The following LRFN5 variants were observed in gnomAD, a reference collection of about 807,000 sequenced individuals.
LRFN5 encodes the protein leucine-rich repeat and fibronectin type-III domain-containing protein 5.
LRFN5 carries 24 observed loss-of-function variants against 45.6 expected under a neutral mutation model. That is an observed-to-expected ratio of 0.53 (90% CI 0.38 to 0.74). LRFN5 has a LOEUF of 0.74. Ranked by LOEUF, LRFN5 falls within the 30% of genes least tolerant of loss-of-function variation. LRFN5 has a pLI of 0.00. For synonymous variants in LRFN5, 340 were observed against 313.8 expected, an observed-to-expected ratio of 1.08 and a Z score of -0.88; for missense variants, 776 against 861.5, an observed-to-expected ratio of 0.90 and a Z score of 1.24.
intron 2 of LRFN5, among the ~76,000 whole-genome samples, chr14:41,779,511 C>T (rs1392792680): frequency 1.3e-5 from 2 of 151,894 alleles, no homozygotes; most frequent in East Asian, 3.9e-4. Flanking sequence ...GAAGCATACA[C>T]TTGGCTTCTG....
intron 1 of LRFN5, among the ~76,000 whole-genome samples, chr14:41,727,439 TATAA>T (rs150974682): frequency 6.6e-5 from 10 of 150,566 alleles, no homozygotes; most frequent in Admixed American, 2.0e-4. Flanking sequence ...ATCCGATCTC[TATAA>T]ATAAATAAAT....
intron 2 of LRFN5, among the ~76,000 whole-genome samples, chr14:41,794,814 A>G (rs140136497): frequency 2.6e-5 from 4 of 152,216 alleles, no homozygotes; most frequent in South Asian, 2.1e-4. Context: ...AAAAAAATGC[A>G]TAATCTGCTT....
chr14:41,765,176 C>T (rs980030460), intron 1 of LRFN5, among the ~76,000 whole-genome samples: 4 of 151,858 alleles, frequency 2.6e-5, no homozygotes, highest in Admixed American at 2.0e-4. Flanking sequence ...CCCGTCTCTA[C>T]TAAAAGTACA....
chr14:41,670,076 TATATACAC>T (rs1881099479), intron 1 of LRFN5, among the ~76,000 whole-genome samples: 2 of 146,122 alleles, frequency 1.4e-5, no homozygotes, highest in Admixed American at 1.4e-4. Context: ...TATGCACCTA[TATATACAC>T]ATATATACAC....
chr14:41,717,201 G>C (rs963942609), intron 1 of LRFN5, among the ~76,000 whole-genome samples: 3 of 152,148 alleles, frequency 2.0e-5, no homozygotes, highest in Non-Finnish European at 2.9e-5. Context: ...TATGGACGTC[G>C]TGGTTGCCCT....
chr14:41,874,991 AC>A (rs900122548), intron 2 of LRFN5, among the ~76,000 whole-genome samples: 2 of 151,902 alleles, frequency 1.3e-5, no homozygotes, highest in African/African-American at 2.4e-5. Context: ...TGATTCAGTT[AC>A]CCCCCCACCA....
chr14:41,694,617 T>C (rs1047870281), intron 1 of LRFN5, among the ~76,000 whole-genome samples: 4 of 152,002 alleles, frequency 2.6e-5, no homozygotes, highest in African/African-American at 7.2e-5. Context: ...ATATTCTTTT[T>C]TATAAATTGA....
intron 2 of LRFN5, among the ~76,000 whole-genome samples, chr14:41,865,506 A>T (rs931294553): frequency 6.6e-6 from 1 of 152,208 alleles, no homozygotes; most frequent in Non-Finnish European, 1.5e-5. Flanking sequence ...CATTTTTGCC[A>T]TAATGAGTAA....
At chr14:41,790,204 AT>A (rs1886869465) in intron 2 of LRFN5, among the ~76,000 whole-genome samples, 1 of 151,952 alleles carries the variant, frequency 6.6e-6, no homozygotes, top group African/African-American at 2.4e-5. Context: ...TTAAAGCTAA[AT>A]TTTAAAATGT....
intron 2 of LRFN5, among the ~76,000 whole-genome samples, chr14:41,799,939 G>GAAGGGA (rs920549896): frequency 6.6e-6 from 1 of 151,878 alleles, no homozygotes; most frequent in African/African-American, 2.4e-5. Context: ...AAAGGAAAGG[G>GAAGGGA]AAGGGAAAGG....
chr14:41,812,446 ATTTC>A (rs1887768014), intron 2 of LRFN5, among the ~76,000 whole-genome samples: 1 of 151,798 alleles, frequency 6.6e-6, no homozygotes, highest in Non-Finnish European at 1.5e-5. Context: ...TTCATTTTTA[ATTTC>A]TTAGTACCTT....
chr14:41,795,619 C>A (rs1887094828), intron 2 of LRFN5, among the ~76,000 whole-genome samples: 1 of 151,984 alleles, frequency 6.6e-6, no homozygotes, highest in African/African-American at 2.4e-5. Context: ...AGTTCATGTC[C>A]TTTGTAGGGA....
chr14:41,850,419 A>G (rs1889224673), intron 2 of LRFN5, among the ~76,000 whole-genome samples: 1 of 151,858 alleles, frequency 6.6e-6, no homozygotes, highest in Admixed American at 6.6e-5. Flanking sequence ...TAAGAAACAT[A>G]GTCACTTTCC....
intron 2 of LRFN5, among the ~76,000 whole-genome samples, chr14:41,768,216 T>G (rs2138885144): frequency 6.6e-6 from 1 of 152,282 alleles, no homozygotes; most frequent in African/African-American, 2.4e-5. Context: ...AATTTATATC[T>G]GAATCATGAT....
intron 1 of LRFN5, among the ~76,000 whole-genome samples, chr14:41,690,254 GAAAT>G (rs2138703496): frequency 6.6e-6 from 1 of 152,058 alleles, no homozygotes; most frequent in African/African-American, 2.4e-5. Context: ...AGTAAATAAA[GAAAT>G]AAACATTTTG....
intron 5 of LRFN5, among the ~76,000 whole-genome samples, chr14:41,900,534 A>T (rs778802054): frequency 1.4e-4 from 21 of 152,096 alleles, no homozygotes; most frequent in Non-Finnish European, 1.9e-4. Context: ...AAAATAAATG[A>T]CTGTCATATA....
chr14:41,650,907 G>C (rs1443358809), intron 1 of LRFN5, among the ~76,000 whole-genome samples: 1 of 135,944 alleles, frequency 7.4e-6, no homozygotes, highest in Non-Finnish European at 1.6e-5. Flanking sequence ...GAGGGAGGGA[G>C]GGAGGGAGGG....
At chr14:41,628,602 T>TATAA (rs56242603) in intron 1 of LRFN5, among the ~76,000 whole-genome samples, 31,282 of 151,062 alleles carry the variant, frequency 0.21, 3,456 homozygotes, top group Middle Eastern at 0.27. Context: ...AGACCCTGTC[T>TATAA]ATAAATAAAT....
At chr14:41,707,397 C>T (rs1883110373) in intron 1 of LRFN5, among the ~76,000 whole-genome samples, 1 of 152,026 alleles carries the variant, frequency 6.6e-6, no homozygotes, top group Non-Finnish European at 1.5e-5. Context: ...ATGATAATAT[C>T]ATGTTTCTAA....
Sources: gnomAD v4.1 joint callset for allele counts (sites outside exome capture counted in the v4.1 genomes callset) on GRCh38, gnomAD v4.1.1 for gene constraint, MANE v1.5 for transcripts, NCBI Gene and HGNC (gene_info 2026-07-23, HGNC 2026-07-21) for gene names.